CAPRIN2: variants seen among roughly 807,000 people sequenced by gnomAD.
CAPRIN2 encodes caprin-2.
CAPRIN2 carries 66 observed loss-of-function variants against 130.4 expected under a neutral mutation model. The ratio of observed to expected loss-of-function variants is 0.51; its 90% CI spans 0.42 to 0.62. The LOEUF is 0.62. Ranked by LOEUF, CAPRIN2 falls within the 20% of genes least tolerant of loss-of-function variation. The pLI is 0.00. For missense variants in CAPRIN2, 1,185 were observed against 1,246.6 expected (o/e 0.95, Z 0.74); for synonymous variants, 471 against 444.1 (o/e 1.06, Z -0.76).
chr12:30,730,156 G>T, intron 7 of CAPRIN2, 83 bp downstream of exon 8: 1 of 1,147,810 alleles, frequency 8.7e-7, no homozygotes, highest in Non-Finnish European at 1.3e-6. Context: ...AGGCAGTCTG[G>T]CTCCAGAGCC....
chr12:30,733,853 A>C (rs2063550318), intron 4 of CAPRIN2, 142 bp from the exon 6 acceptor site: 1 of 630,658 alleles, frequency 1.6e-6, no homozygotes, highest in Non-Finnish European at 2.8e-6. Flanking sequence ...AAATAAAAAA[A>C]TTGAAATGTA....
Position 30,713,893 on chromosome 12 carries a change from A to G in CAPRIN2, c.2501-8T>C. The G allele has an allele frequency of 1.4e-6, 2 of 1,459,350 alleles. No homozygotes were observed. The highest frequency in any genetic ancestry group is 1.7e-5 in the Admixed American group (1 of 59,204). The allele number at this position is 1,459,350 out of a possible 1,614,324, so 90.4% of individuals were successfully genotyped here. A position where few individuals can be genotyped will look rare whatever the true frequency, so the allele number is the denominator to read the frequency against. ...CTCTATAAGTATCAAAACCTAATAA[A>G]TAAACAAACTTACATAAGATTATGG... On this transcript the variant is annotated splice_region_variant and splice_polypyrimidine_tract_variant and intron_variant, in intron 14 of 16. Transcript: ENST00000298892.
intron 2 of CAPRIN2, among the ~76,000 whole-genome samples, chr12:30,741,733 C>T (rs1302839012): frequency 6.6e-6 from 1 of 151,924 alleles, no homozygotes; most frequent in Non-Finnish European, 1.5e-5. Context: ...AGGTGGAGAA[C>T]CTGTGCAACT....
chr12:30,750,647 G>A (rs1022832801), intron 2 of CAPRIN2, among the ~76,000 whole-genome samples: 2 of 152,094 alleles, frequency 1.3e-5, no homozygotes, highest in Admixed American at 1.3e-4. Context: ...TTAAGGTGAG[G>A]CAGCTAGAGA....
At chr12:30,751,329 T>A in intron 1 of CAPRIN2, 196 bp from the exon 3 acceptor site, 1 of 573,484 alleles carries the variant, frequency 1.7e-6, no homozygotes, top group Non-Finnish European at 3.1e-6. Flanking sequence ...CAGAATCACA[T>A]GAGTCTGGAA....
At chr12:30,751,756 G>C (rs138649050) in intron 1 of CAPRIN2, 11 of 150,660 alleles carry the variant, frequency 7.3e-5, no homozygotes, top group Middle Eastern at 6.8e-3. Context: ...ACTCCTATTG[G>C]AAGTACAGAA....
intron 10 of CAPRIN2, 53 bp from the exon 12 acceptor site, chr12:30,723,367 A>G (rs983386955): frequency 4.1e-5 from 52 of 1,272,480 alleles, no homozygotes; most frequent in Non-Finnish European, 5.1e-5. Context: ...AAGCTTACGC[A>G]TATCAACTAG....
intron 9 of CAPRIN2, 87 bp from the exon 11 acceptor site, chr12:30,724,538 T>C (rs2060333951): frequency 4.6e-6 from 4 of 872,520 alleles, no homozygotes; most frequent in East Asian, 2.6e-5. Context: ...ATGCTGCCTA[T>C]AGTCTATTAG....
chr12:30,719,055 T>C (rs755452301), intron 12 of CAPRIN2, 24 bp downstream of exon 14: 1 of 1,604,982 alleles, frequency 6.2e-7, no homozygotes, highest in South Asian at 1.1e-5. Context: ...TGAACTGCAA[T>C]CATCATTCAT....
At chr12:30,741,986 C>T (rs1377224991) in intron 2 of CAPRIN2, among the ~76,000 whole-genome samples, 2 of 152,088 alleles carry the variant, frequency 1.3e-5, no homozygotes, top group African/African-American at 4.8e-5. Flanking sequence ...AATACTGATA[C>T]ATGCTATAAC....
At chr12:30,731,270 T>C (rs1467578995) in intron 6 of CAPRIN2, 73 bp downstream of exon 7, 11 of 1,162,576 alleles carry the variant, frequency 9.5e-6, no homozygotes, top group Admixed American at 2.1e-5. Context: ...AGGCAATCAC[T>C]GCACAATACG....
intron 9 of CAPRIN2, 38 bp from the exon 11 acceptor site, chr12:30,724,489 A>G (rs759005396): frequency 2.4e-5 from 32 of 1,350,306 alleles, no homozygotes; most frequent in Non-Finnish European, 1.3e-5. Context: ...GGAAACAGAG[A>G]TTACTCATTT....
chr12:30,711,424 T>C (rs1431382688), intron 16 of CAPRIN2, 142 bp downstream of exon 18: 1 of 665,984 alleles, frequency 1.5e-6, no homozygotes, highest in Non-Finnish European at 2.7e-6. Context: ...CTTAGTACTT[T>C]AGTACTACAT....
intron 11 of CAPRIN2, among the ~76,000 whole-genome samples, chr12:30,721,785 G>A (rs1331245910): frequency 6.6e-6 from 1 of 152,182 alleles, no homozygotes; most frequent in Admixed American, 6.5e-5. Flanking sequence ...TCTTGAAGGA[G>A]GCATTATGAT....
intron 8 of CAPRIN2, among the ~76,000 whole-genome samples, chr12:30,727,943 A>G (rs2137658928): frequency 6.6e-6 from 1 of 152,352 alleles, no homozygotes; most frequent in African/African-American, 2.4e-5. Context: ...AGAAAAATAT[A>G]ACTTGTCAGA....
At chr12:30,724,433 C>T (rs1263277466) in exon 10 of CAPRIN2, 1 of 1,611,608 alleles carries the variant, frequency 6.2e-7, no homozygotes, top group Admixed American at 1.7e-5. Flanking sequence ...GAAGGTTTGT[C>T]AAAGTCAAGA....
At chr12:30,715,789 G>T (rs904146529) in intron 13 of CAPRIN2, 2 of 191,742 alleles carry the variant, frequency 1.0e-5, no homozygotes, top group Non-Finnish European at 2.2e-5. Flanking sequence ...TATCCCTTAC[G>T]TAAGTCACCT....
intron 12 of CAPRIN2, chr12:30,719,125 C>CT: frequency 6.2e-7 from 1 of 1,614,104 alleles, no homozygotes; most frequent in Non-Finnish European, 8.5e-7. Flanking sequence ...TACTGAACTA[C>CT]TACTTGCTGG....
At chr12:30,734,889 C>T in intron 4 of CAPRIN2, 79 bp downstream of exon 5, 2 of 785,364 alleles carry the variant, frequency 2.5e-6, no homozygotes, top group Non-Finnish European at 4.3e-6. Context: ...CACACACACT[C>T]TCTCTCTCAC....
Sources: gnomAD v4.1 joint callset for allele counts (sites outside exome capture counted in the v4.1 genomes callset) on GRCh38, gnomAD v4.1.1 for gene constraint, MANE v1.5 for transcripts, NCBI Gene and HGNC (gene_info 2026-07-23, HGNC 2026-07-21) for gene names.